The following MAGI2 variants were observed in gnomAD, a reference collection of about 807,000 sequenced individuals.
MAGI2 encodes the protein membrane-associated guanylate kinase, WW and PDZ domain-containing protein 2.
Under a neutral mutation model 133.3 loss-of-function variants are expected in MAGI2, and 35 were observed. That is an observed-to-expected ratio of 0.26 (90% CI 0.20 to 0.35). The LOEUF is 0.35. Among genes scored for constraint, MAGI2 ranks in the 10% least tolerant of loss-of-function variants. The pLI is 1.00. For missense variants in MAGI2, 1,636 were observed against 1,863.4 expected (o/e 0.88, Z 2.25); for synonymous variants, 729 against 710.6 (o/e 1.03, Z -0.41).
Position 78,503,194 on chromosome 7 carries a change from T to C in MAGI2, c.755-1407A>G, listed in dbSNP as rs1463529859. On this transcript the variant is annotated intron_variant, in intron 4 of 21. Coordinates refer to ENST00000354212, the MANE Select transcript of MAGI2 (RefSeq NM_012301.4). ...ACTTAACTCTACCAAGATATTCATC[T>C]ATCTGGGAAAAAACAGTCACTTTTG... Among the ~76,000 whole-genome samples, 4 of 152,206 alleles carry C rather than the reference T, an allele frequency of 2.6e-5. No homozygotes were observed. The East Asian group carries it at 7.7e-4, about 29-fold the overall frequency.
chr7:78,696,982 A>C (rs1817582950), intron 2 of MAGI2, among the ~76,000 whole-genome samples: 1 of 151,628 alleles, frequency 6.6e-6, no homozygotes, highest in African/African-American at 2.4e-5. Context: ...TTTTGCTTTC[A>C]TCATTCAAAG....
chr7:78,675,283 TTG>T, intron 2 of MAGI2, among the ~76,000 whole-genome samples: 1 of 151,046 alleles, frequency 6.6e-6, no homozygotes, highest in East Asian at 2.0e-4. Context: ...TGTTGATGTA[TTG>T]TGTGTTTGAA....
At position 79,351,126 on chromosome 7, in the gene MAGI2, A is replaced by AT. The variant is rs945260226; in HGVS notation, c.301+101893dup. 3.9e-5 allele frequency among the ~76,000 whole-genome samples: 6 copies of AT among 152,264 alleles called. No homozygotes were observed. In the East Asian group the frequency reaches 7.7e-4, roughly 20 times the overall value. On this transcript the variant is annotated intron_variant, in intron 1 of 21. Coordinates refer to ENST00000354212, the MANE Select transcript of MAGI2 (RefSeq NM_012301.4). Reference sequence around the variant, plus strand: ...TAAAGCAAAGAAATAATATACTTCAATTTTTTTAAAGTAGACCGAACTGTT... The same window carrying AT: ...TAAAGCAAAGAAATAATATACTTCAATTTTTTTTAAAGTAGACCGAACTGTT...
At chr7:78,823,439 T>G (rs1034243809) in intron 2 of MAGI2, among the ~76,000 whole-genome samples, 1 of 151,994 alleles carries the variant, frequency 6.6e-6, no homozygotes, top group South Asian at 2.1e-4. Context: ...AAAAATTAGC[T>G]GGGCGTGGTG....
At chr7:78,189,116 A>G (rs1196305755) in intron 12 of MAGI2, among the ~76,000 whole-genome samples, 1 of 152,176 alleles carries the variant, frequency 6.6e-6, no homozygotes, top group Non-Finnish European at 1.5e-5. Context: ...GCAGCAGAAA[A>G]CCTGGTAGTT....
chr7:79,098,377 C>T (rs1025549183), intron 1 of MAGI2, among the ~76,000 whole-genome samples: 4 of 152,162 alleles, frequency 2.6e-5, no homozygotes, highest in African/African-American at 7.2e-5. Context: ...CATTTATAGT[C>T]GATCTCATAG....
chr7:79,010,849 T>A (rs1808011773), intron 1 of MAGI2: 1 of 152,132 alleles, frequency 6.6e-6, no homozygotes, highest in Admixed American at 6.6e-5. Context: ...AAGTGACACT[T>A]TCAGTAAATG....
At chr7:79,250,214 T>G (rs1316667506) in intron 1 of MAGI2, among the ~76,000 whole-genome samples, 1 of 152,046 alleles carries the variant, frequency 6.6e-6, no homozygotes, top group East Asian at 1.9e-4. Context: ...TGAAAGCCTT[T>G]TCTCTTCTCT....
At chr7:78,828,498 C>CCAGT (rs138821505) in intron 2 of MAGI2, among the ~76,000 whole-genome samples, 5,093 of 152,192 alleles carry the variant, frequency 0.033, 129 homozygotes, top group Admixed American at 0.079. Context: ...AAATGCCTAA[C>CCAGT]CAGTACTCCT....
intron 1 of MAGI2, among the ~76,000 whole-genome samples, chr7:79,016,040 T>A (rs1808698057): frequency 7.0e-6 from 1 of 142,844 alleles, no homozygotes; most frequent in Non-Finnish European, 1.5e-5. Flanking sequence ...GAGCAACACA[T>A]TCTCCCTGGG....
chr7:78,613,863 C>T (rs939500330), intron 3 of MAGI2, among the ~76,000 whole-genome samples: 2 of 151,898 alleles, frequency 1.3e-5, no homozygotes, highest in African/African-American at 2.4e-5. Flanking sequence ...AATCCCGGCA[C>T]TTTGGGAGGC....
At chr7:78,994,919 T>C (rs1232408805) in intron 2 of MAGI2, among the ~76,000 whole-genome samples, 2 of 152,122 alleles carry the variant, frequency 1.3e-5, no homozygotes, top group Non-Finnish European at 2.9e-5. Context: ...AACTGGGGAC[T>C]CTTATGAACA....
At chr7:78,692,375 C>T (rs577292804) in intron 2 of MAGI2, among the ~76,000 whole-genome samples, 55 of 152,172 alleles carry the variant, frequency 3.6e-4, no homozygotes, top group African/African-American at 1.3e-3. Context: ...GTGTGTGATA[C>T]CTTAGGGAGC....
At chr7:78,296,607 A>G (rs1797270953) in intron 9 of MAGI2, among the ~76,000 whole-genome samples, 1 of 152,210 alleles carries the variant, frequency 6.6e-6, no homozygotes, top group Non-Finnish European at 1.5e-5. Context: ...TGGTACATAC[A>G]GATAAATATT....
At chr7:79,009,665 G>C (rs1229192660) in intron 1 of MAGI2, among the ~76,000 whole-genome samples, 2 of 152,108 alleles carry the variant, frequency 1.3e-5, no homozygotes, top group African/African-American at 4.8e-5. Context: ...CAGTGGTCTG[G>C]AAAGTCATTC....
intron 2 of MAGI2, among the ~76,000 whole-genome samples, chr7:78,719,035 A>G (rs1335367072): frequency 6.6e-6 from 1 of 152,216 alleles, no homozygotes; most frequent in Non-Finnish European, 1.5e-5. Context: ...CAGACTTGGC[A>G]TTAGAAATGT....
intron 10 of MAGI2, among the ~76,000 whole-genome samples, chr7:78,237,198 C>T (rs1790642708): frequency 6.6e-6 from 1 of 152,102 alleles, no homozygotes; most frequent in African/African-American, 2.4e-5. Flanking sequence ...GGCCAACAGA[C>T]ATATTTTTAA....
intron 1 of MAGI2, among the ~76,000 whole-genome samples, chr7:79,243,036 T>G (rs1001510428): frequency 6.6e-6 from 1 of 152,018 alleles, no homozygotes; most frequent in Non-Finnish European, 1.5e-5. Flanking sequence ...GCCAACATGG[T>G]GAAACCCTAT....
At chr7:79,281,641 G>A (rs1835648479) in intron 1 of MAGI2, among the ~76,000 whole-genome samples, 1 of 152,150 alleles carries the variant, frequency 6.6e-6, no homozygotes, top group South Asian at 2.1e-4. Flanking sequence ...TTTTACTGCA[G>A]ACATCTTTCA....
Sources: gnomAD v4.1 joint callset for allele counts (sites outside exome capture counted in the v4.1 genomes callset) on GRCh38, gnomAD v4.1.1 for gene constraint, MANE v1.5 for transcripts, NCBI Gene and HGNC (gene_info 2026-07-23, HGNC 2026-07-21) for gene names.